MCU: variants seen among roughly 807,000 people sequenced by gnomAD.
The protein encoded by MCU is mitochondrial calcium uniporter, also known as calcium uniporter protein, mitochondrial.
Under a neutral mutation model 45.2 loss-of-function variants are expected in MCU, and 12 were observed. The observed-to-expected ratio is 0.27, with a 90% CI of 0.17 to 0.43. The LOEUF is 0.43. Among genes scored for constraint, MCU ranks in the 20% least tolerant of loss-of-function variants. The pLI, the probability that MCU is intolerant of heterozygous loss-of-function variation, is 1.00. For missense variants in MCU, 324 were observed against 436.7 expected, an observed-to-expected ratio of 0.74 and a Z score of 2.30; for synonymous variants, 160 against 165.1, an observed-to-expected ratio of 0.97 and a Z score of 0.24.
chr10:72,829,545 T>C (rs1844849151), intron 1 of MCU, among the ~76,000 whole-genome samples: 1 of 151,776 alleles, frequency 6.6e-6, no homozygotes, highest in Non-Finnish European at 1.5e-5. Context: ...TTTTAACTTC[T>C]TGATATATTT....
intron 1 of MCU, among the ~76,000 whole-genome samples, chr10:72,752,124 C>T (rs1240563750): frequency 3.9e-5 from 6 of 152,068 alleles, no homozygotes; most frequent in Admixed American, 3.9e-4. Flanking sequence ...CAGGTGTGAG[C>T]CACCATGCCC....
chr10:72,875,470 A>C (rs918728393), intron 6 of MCU, among the ~76,000 whole-genome samples: 1 of 152,214 alleles, frequency 6.6e-6, no homozygotes, highest in African/African-American at 2.4e-5. Flanking sequence ...AAGTTGCAAA[A>C]TAGCAGTAGT....
At chr10:72,745,226 T>C (rs986825958) in intron 1 of MCU, among the ~76,000 whole-genome samples, 1 of 152,200 alleles carries the variant, frequency 6.6e-6, no homozygotes, top group Non-Finnish European at 1.5e-5. Flanking sequence ...AGTGGAATAC[T>C]GTTCAGAATT....
intron 1 of MCU, among the ~76,000 whole-genome samples, chr10:72,749,412 G>GC (rs1184260613): frequency 5.3e-5 from 8 of 152,084 alleles, no homozygotes; most frequent in African/African-American, 1.9e-4. Context: ...AGAGTGTGAA[G>GC]CTATTTATAT....
At chr10:72,751,327 A>T (rs1250042594) in intron 1 of MCU, among the ~76,000 whole-genome samples, 57 of 95,652 alleles carry the variant, frequency 6.0e-4, no homozygotes, top group African/African-American at 2.1e-3. Context: ...TTTCTCTAAC[A>T]TCTTCTTCTT....
chr10:72,814,929 TATAAA>T (rs765060239), intron 1 of MCU, among the ~76,000 whole-genome samples: 1 of 151,942 alleles, frequency 6.6e-6, no homozygotes, highest in Non-Finnish European at 1.5e-5. Context: ...AGGAAAGAAG[TATAAA>T]AGAAAAATAG....
chr10:72,832,555 T>A (rs1844893409), intron 1 of MCU, among the ~76,000 whole-genome samples: 1 of 152,146 alleles, frequency 6.6e-6, no homozygotes, highest in South Asian at 2.1e-4. Context: ...TCAAAGTGCT[T>A]CTCAGAAATA....
At chr10:72,844,498 G>A (rs2132848734) in intron 2 of MCU, among the ~76,000 whole-genome samples, 1 of 152,240 alleles carries the variant, frequency 6.6e-6, no homozygotes, top group Non-Finnish European at 1.5e-5. Context: ...AAACCTGGGA[G>A]GTCAAGGCTG....
intron 4 of MCU, among the ~76,000 whole-genome samples, chr10:72,861,399 G>A (rs1845373022): frequency 1.3e-5 from 2 of 151,676 alleles, no homozygotes; most frequent in Admixed American, 1.3e-4. Context: ...AAAAAACTCG[G>A]TAATCAAGAT....
intron 1 of MCU, among the ~76,000 whole-genome samples, chr10:72,824,533 G>T (rs752770402): frequency 4.1e-4 from 62 of 152,118 alleles, no homozygotes; most frequent in Admixed American, 1.2e-3. Context: ...TTCCAGTTTT[G>T]AGGTTTCTAA....
chr10:72,692,984 C>A (rs763637958), intron 1 of MCU: 1 of 1,535,860 alleles, frequency 6.5e-7, no homozygotes, highest in South Asian at 1.2e-5. Flanking sequence ...TTTTGGGGGT[C>A]CTTTCGAGGG....
At chr10:72,837,856 GTT>G (rs765624802) in intron 2 of MCU, among the ~76,000 whole-genome samples, 9 of 131,976 alleles carry the variant, frequency 6.8e-5, no homozygotes, top group Admixed American at 1.5e-4. Flanking sequence ...CCCAATACTG[GTT>G]TTTTTTTTTT....
intron 1 of MCU, among the ~76,000 whole-genome samples, chr10:72,770,795 C>T (rs543196384): frequency 6.6e-6 from 1 of 152,130 alleles, no homozygotes; most frequent in East Asian, 1.9e-4. Context: ...CCCAGTAGTA[C>T]AATTATATAT....
At chr10:72,711,920 G>C (rs1842899964) in intron 1 of MCU, among the ~76,000 whole-genome samples, 1 of 151,230 alleles carries the variant, frequency 6.6e-6, no homozygotes, top group South Asian at 2.1e-4. Flanking sequence ...CACCGTGTTA[G>C]CCAGGATGGT....
intron 1 of MCU, among the ~76,000 whole-genome samples, chr10:72,771,677 A>G (rs1201804357): frequency 1.3e-5 from 2 of 152,070 alleles, no homozygotes; most frequent in African/African-American, 2.4e-5. Flanking sequence ...ATTTCACTTT[A>G]AGTTCTGGGA....
chr10:72,850,831 TG>T (rs895111417), intron 2 of MCU, among the ~76,000 whole-genome samples: 1 of 152,196 alleles, frequency 6.6e-6, no homozygotes, highest in Non-Finnish European at 1.5e-5. Context: ...TTTATTCACA[TG>T]GAAATCAAAG....
intron 1 of MCU, among the ~76,000 whole-genome samples, chr10:72,796,428 C>A (rs1301010340): frequency 6.6e-6 from 1 of 152,132 alleles, no homozygotes; most frequent in Non-Finnish European, 1.5e-5. Context: ...CTCTAAAAAA[C>A]CACAATAACA....
intron 1 of MCU, among the ~76,000 whole-genome samples, chr10:72,732,224 T>C (rs1050552409): frequency 2.0e-5 from 3 of 152,250 alleles, no homozygotes; most frequent in Non-Finnish European, 4.4e-5. Context: ...TTTGGAGAAA[T>C]ACCTATTCAG....
At chr10:72,849,174 G>A (rs987086184) in intron 2 of MCU, among the ~76,000 whole-genome samples, 35 of 151,748 alleles carry the variant, frequency 2.3e-4, no homozygotes, top group Non-Finnish European at 1.3e-4. Flanking sequence ...CCAGCTACTC[G>A]GGAGGCTGAG....
Sources: allele counts gnomAD v4.1 joint callset (sites outside exome capture counted in the v4.1 genomes callset), GRCh38; gene constraint gnomAD v4.1.1; transcripts MANE v1.5; gene names NCBI Gene and HGNC (gene_info 2026-07-23, HGNC 2026-07-21).